The following WASHC1 variants were observed in gnomAD, a reference collection of about 807,000 sequenced individuals.
WASHC1 encodes CXYorf1-like protein on chromosome 9.
WASHC1 carries 11 observed loss-of-function variants against 26.1 expected under a neutral mutation model. That is an observed-to-expected ratio of 0.42 (90% CI 0.27 to 0.70). The LOEUF (loss-of-function observed/expected upper bound fraction) is 0.70, where lower values mean the gene tolerates loss of function less well. Ranked by LOEUF, WASHC1 falls within the 30% of genes least tolerant of loss-of-function variation. The pLI, the probability that WASHC1 is intolerant of heterozygous loss-of-function variation, is 0.24. For missense variants in WASHC1, 96 were observed against 304.9 expected, an observed-to-expected ratio of 0.31 and a Z score of 5.10; for synonymous variants, 37 against 126.6, an observed-to-expected ratio of 0.29 and a Z score of 4.75.
exon 8 of WASHC1, chr9:16,848 G>GGGC: frequency 8.6e-6 from 4 of 462,594 alleles, no homozygotes; most frequent in Admixed American, 3.2e-5. Context: ...GGGGCGGTGG[G>GGGC]GGTGGTGTTA....
intron 2 of WASHC1, among the ~76,000 whole-genome samples, chr9:23,307 T>TTA (rs1481606542): frequency 1.5e-5 from 1 of 68,576 alleles, no homozygotes. Context: ...ATTAATTTAA[T>TTA]ATTTAAAATA....
At chr9:15,351 G>A (rs1325588943) in intron 9 of WASHC1, among the ~76,000 whole-genome samples, 1 of 3,362 alleles carries the variant, frequency 3.0e-4, no homozygotes, top group African/African-American at 3.4e-3. Context: ...CAGCCACCTC[G>A]GGGACAGGGC....
At chr9:28,668 C>A (rs1817512362) in intron 1 of WASHC1, 1 of 117,130 alleles carries the variant, frequency 8.5e-6, no homozygotes, top group Admixed American at 8.7e-5. Flanking sequence ...TCAATGCATT[C>A]CACAAATACC....
At chr9:14,708 C>A (rs1169227382) in exon 11 of WASHC1, 13 of 1,353,138 alleles carry the variant, frequency 9.6e-6, no homozygotes, top group African/African-American at 1.6e-5. Flanking sequence ...TCCGTCACCC[C>A]CTCCCAGGGA....
chr9:15,030 G>C, intron 10 of WASHC1, 51 bp downstream of exon 10: 1 of 1,306,444 alleles, frequency 7.7e-7, no homozygotes, highest in Admixed American at 2.1e-5. Context: ...AAAAAGGCAG[G>C]ACAGAATTAC....
rs201239322 is a variant in WASHC1 at position 17,124 on chromosome 9, G to A, written c.724C>T (p.Pro242Ser). Residue 242 changes from proline (P) to serine (S), a missense_variant, in exon 7 of 11, where the codon CCT (proline) becomes TCT (serine). This residue lies in a region of WASHC1 where 33 missense variants were observed against 57.6 expected (regional missense o/e 0.57). Coordinates refer to ENST00000442898, the Ensembl canonical transcript of WASHC1. ...AGGTAGGATGGAACATGGATCTCAG[G>A]CACCTGGCCCAGGTCTGGCACATAG... 3.1e-3 allele frequency: 3,909 copies of A among 1,258,662 alleles called. 1,065 individuals carry two copies. Among genetic ancestry groups the A allele is most frequent in the Non-Finnish European group, 3.7e-3 (3,517 of 960,336 alleles). 78.0% of individuals were successfully genotyped at this position (1,258,662 alleles called of 1,614,324 possible).
chr9:21,740 AAAGGAACC>A (rs1168833393), intron 2 of WASHC1, among the ~76,000 whole-genome samples: 1 of 150,558 alleles, frequency 6.6e-6, no homozygotes, highest in Non-Finnish European at 1.5e-5. Flanking sequence ...GTGGGGACAC[AAAGGAACC>A]AGGGCAAAGC....
At position 18,369 on chromosome 9, in the gene WASHC1, T is replaced by C; in HGVS notation, c.261+12A>G. 5.9e-6 allele frequency: 1 copy of C among 170,542 alleles called. No individual in the cohort carries two copies. The highest frequency in any genetic ancestry group is 3.1e-5 in the South Asian group (1 of 32,656). The allele number at this position is 170,542 out of a possible 1,614,324, so 10.6% of individuals were successfully genotyped here. ...GCCCAGTAGCCTCAGGACACAGGGG[T>C]ATGGGGACTACCTTGATGGCCTTCT... On this transcript the variant is annotated intron_variant, in intron 3 of 10. Transcript: ENST00000442898.
chr9:17,147 TAGA>T, exon 7 of WASHC1: 3 of 1,274,152 alleles, frequency 2.4e-6, no homozygotes, highest in Non-Finnish European at 2.1e-6. Context: ...GTCTGGCACA[TAGA>T]AGTAGTTCTC....
chr9:15,897 G>T lies in WASHC1; in HGVS notation c.1195+12C>A. On this transcript the variant is annotated intron_variant, in intron 9 of 10. Coordinates refer to ENST00000442898, the Ensembl canonical transcript of WASHC1. Reference sequence around the variant, plus strand: ...CAAGGCCCTCCAACCGCAGGCTCCAGGGCCCGCTCACCTTGCTCCTGCTCC... The same window carrying T: ...CAAGGCCCTCCAACCGCAGGCTCCATGGCCCGCTCACCTTGCTCCTGCTCC... The T allele has an allele frequency of 3.6e-6, 5 of 1,396,306 alleles. 1 individual carries two copies. Among genetic ancestry groups the T allele is most frequent in the Non-Finnish European group, 4.8e-6 (5 of 1,037,480 alleles). 86.5% of individuals were successfully genotyped at this position (1,396,306 alleles called of 1,614,324 possible).
intron 2 of WASHC1, among the ~76,000 whole-genome samples, chr9:22,286 T>C (rs1817046817): frequency 6.8e-6 from 1 of 146,532 alleles, no homozygotes; most frequent in Admixed American, 6.6e-5. Context: ...GTGTGGCTTC[T>C]GGAGGAAGCG....
upstream of WASHC1, chr9:30,018 T>TA (rs1817635918): frequency 7.2e-6 from 1 of 138,894 alleles, no homozygotes; most frequent in African/African-American, 2.8e-5. Flanking sequence ...GAGGCTTTTT[T>TA]AAAAAGTTAA....
chr9:15,835 G>C lies in WASHC1; in HGVS notation c.1195+74C>G. 5.9e-6 allele frequency: 8 copies of C among 1,352,594 alleles called. 1 individual carries two copies. The highest frequency in any genetic ancestry group is 7.9e-6 in the Non-Finnish European group (8 of 1,008,858). 83.8% of individuals were successfully genotyped at this position (1,352,594 alleles called of 1,614,324 possible). On this transcript the variant is annotated intron_variant, in intron 9 of 10. Coordinates refer to ENST00000442898, the Ensembl canonical transcript of WASHC1. ...GCAGGGGGTGGGCAGAAAGCACCCG[G>C]TGGACTCAGGGCTGGAGGGGAGGAG... is the stretch of plus-strand genomic sequence containing the variant.
upstream of WASHC1, chr9:29,819 TAG>T (rs1817623098): frequency 1.1e-5 from 3 of 276,048 alleles, no homozygotes; most frequent in South Asian, 9.1e-5. Flanking sequence ...GTTCAATGGG[TAG>T]AGTTTCAGGC....
In WASHC1 at chr9:15,078, T is replaced by C; in HGVS notation, c.1264+3A>G. On this transcript the variant is annotated splice_donor_region_variant and intron_variant, in intron 10 of 10. Coordinates refer to ENST00000442898, the Ensembl canonical transcript of WASHC1. Reference sequence around the variant, plus strand: ...CAGGGTGGGCAGCGGCCCTGCCTCCTACCCTTGCGCCTCATGACCAGCTTG... The same window carrying C: ...CAGGGTGGGCAGCGGCCCTGCCTCCCACCCTTGCGCCTCATGACCAGCTTG... 1 of 1,046,440 alleles carries C rather than the reference T, an allele frequency of 9.6e-7. No individual in the cohort carries two copies. The highest frequency in any genetic ancestry group is 1.4e-6 in the Non-Finnish European group (1 of 727,036). The allele number at this position is 1,046,440 out of a possible 1,614,324, so 64.8% of individuals were successfully genotyped here.
chr9:21,149 AGAGAGTCTCTCC>A (rs1816853547), intron 2 of WASHC1, among the ~76,000 whole-genome samples: 1 of 152,076 alleles, frequency 6.6e-6, no homozygotes, highest in African/African-American at 2.4e-5. Context: ...GGTGGTGGGG[AGAGAGTCTCTCC>A]CCTGCCCCTG....
chr9:17,034 G>A (rs1436965573), exon 7 of WASHC1: 1 of 1,474,948 alleles, frequency 6.8e-7, no homozygotes, highest in South Asian at 1.2e-5. Flanking sequence ...GGGGCAGAGG[G>A]GGCAATGCCG....
exon 11 of WASHC1, chr9:14,706 C>G: frequency 1.5e-6 from 2 of 1,339,900 alleles, no homozygotes; most frequent in East Asian, 2.3e-5. Flanking sequence ...GTTCCGTCAC[C>G]CCCTCCCAGG....
intron 1 of WASHC1, chr9:28,654 C>T (rs1295135996): frequency 2.5e-4 from 31 of 123,772 alleles, no homozygotes; most frequent in African/African-American, 1.0e-3. Flanking sequence ...ATTTTGTTAA[C>T]TCTTCAATGC....
Sources: gnomAD v4.1 joint callset for allele counts (sites outside exome capture counted in the v4.1 genomes callset) on GRCh38, gnomAD v4.1.1 for gene constraint, gnomAD v4.1.1 regional missense constraint, MANE v1.5 for transcripts, NCBI Gene and HGNC (gene_info 2026-07-23, HGNC 2026-07-21) for gene names.